SEMA4G: variants seen among roughly 807,000 people sequenced by gnomAD.
SEMA4G encodes the protein semaphorin-4G.
In SEMA4G, 59 loss-of-function variants were observed where a neutral mutation model predicts 81.2. That is an observed-to-expected ratio of 0.73 (90% CI 0.59 to 0.90). The LOEUF (loss-of-function observed/expected upper bound fraction) is 0.90, where lower values mean the gene tolerates loss of function less well. Among genes scored for constraint, SEMA4G ranks in the 40% least tolerant of loss-of-function variants. The pLI is 0.00. For missense variants in SEMA4G, 952 were observed against 1,102.3 expected, an observed-to-expected ratio of 0.86 and a Z score of 1.93; for synonymous variants, 404 against 433.9, an observed-to-expected ratio of 0.93 and a Z score of 0.86.
rs757731950 is a variant in SEMA4G at position 100,973,590 on chromosome 10, A to C, written c.317A>C (p.Gln106Pro). 2 of 1,614,104 alleles carry C rather than the reference A, an allele frequency of 1.2e-6. No individual in the cohort carries two copies. The highest frequency in any genetic ancestry group is 1.7e-6 in the Non-Finnish European group (2 of 1,179,992). Residue 106 changes from glutamine to proline, a missense_variant, in exon 3 of 14, where the codon CAA becomes CCA. By Grantham distance (76) the Gln-to-Pro change is moderately conservative. This residue lies in a region of SEMA4G where 436 missense variants were observed against 488.2 expected (regional missense o/e 0.89). Transcript: ENST00000370250. The surrounding 1 kb of genome is among the most constrained non-coding windows in gnomAD (Gnocchi z 5.5). ...CCAGAGATGCAAAGCAAATGTCATCAAAAAGGGAAAAACAACCAGGTATGT... is the reference window on the plus strand; with the variant it reads ...CCAGAGATGCAAAGCAAATGTCATCCAAAAGGGAAAAACAACCAGGTATGT...
rs1850706601 is a variant in SEMA4G, at chr10:100,973,968, G to A, written c.336+359G>A. 6.6e-6 allele frequency among the ~76,000 whole-genome samples: 1 copy of A among 151,828 alleles called. No individual in the cohort carries two copies. The highest frequency in any genetic ancestry group is 2.4e-5 in the African/African-American group (1 of 41,356). ...GTGTTTTATTTTTTGTAGAAACAGG[G>A]TCTTGCTATGTTGCCCAGGCTGGTC... On this transcript the variant is annotated intron_variant, in intron 3 of 13. Coordinates refer to ENST00000370250, the Ensembl canonical transcript of SEMA4G. The surrounding 1 kb of genome is among the most constrained non-coding windows in gnomAD (Gnocchi z 5.5).
chr10:100,980,141 G>A lies in SEMA4G; in HGVS notation c.1148G>A (p.Arg383His), dbSNP rs774063487. The change falls in exon 10 of 14, where the codon CGC (arginine) becomes CAC (histidine). Residue 383 changes from arginine to histidine, a missense_variant. This residue lies in a region of SEMA4G where 131 missense variants were observed against 200.7 expected (regional missense o/e 0.65). Coordinates refer to ENST00000370250, the Ensembl canonical transcript of SEMA4G. ...CGCCAGTGTATCACAGATTCATTGCGCAGCCAAGGCTACAATTCATCCCAA... is the reference window on the plus strand; with the variant it reads ...CGCCAGTGTATCACAGATTCATTGCACAGCCAAGGCTACAATTCATCCCAA... 8.1e-6 allele frequency: 13 copies of A among 1,614,080 alleles called. No homozygotes were observed. The highest frequency in any genetic ancestry group is 4.0e-5 in the African/African-American group (3 of 74,924).
At position 100,973,331 on chromosome 10, in the gene SEMA4G, C is replaced by A; in HGVS notation, c.273+54C>A. The A allele has an allele frequency of 6.3e-7, 1 of 1,599,410 alleles. No homozygotes were observed. The highest frequency in any genetic ancestry group is 8.5e-7 in the Non-Finnish European group (1 of 1,174,352). ...AGGGTCTCTATGCTTATCCAGCTCCCTGGGACCTCAACTTCCTTAAAACCC... is the reference window on the plus strand; with the variant it reads ...AGGGTCTCTATGCTTATCCAGCTCCATGGGACCTCAACTTCCTTAAAACCC... On this transcript the variant is annotated intron_variant, in intron 2 of 13. Transcript: ENST00000370250. This position sits in a 1 kb window ranked among gnomAD's most constrained non-coding sequence, Gnocchi z 5.5.
At position 100,980,390 on chromosome 10, in the gene SEMA4G, A is replaced by C. The variant is rs1440766334; in HGVS notation, c.1351+46A>C. 1.9e-6 allele frequency: 3 copies of C among 1,546,188 alleles called. No homozygotes were observed. In the East Asian group the frequency reaches 6.8e-5, roughly 35 times the overall value. ...TGATCCCTGTTGGCCCTGATCACTA[A>C]TGCTTCTGAATCCATTAATTCCTGC... On this transcript the variant is annotated intron_variant, in intron 10 of 13. Coordinates refer to ENST00000370250, the Ensembl canonical transcript of SEMA4G.
chr10:100,981,075 G>C, intron 12 of SEMA4G, 78 bp downstream of exon 13: 1 of 1,604,292 alleles, frequency 6.2e-7, no homozygotes, highest in Non-Finnish European at 8.5e-7. Context: ...GGGGAGTGCA[G>C]GGGCTAGTTA....
Position 100,973,611 on chromosome 10 carries a change from T to C in SEMA4G, c.336+2T>C. The C allele has an allele frequency of 6.2e-7, 1 of 1,613,952 alleles. No individual in the cohort carries two copies. The highest frequency in any genetic ancestry group is 1.7e-4 in the Middle Eastern group (1 of 6,060). Reference sequence around the variant, plus strand: ...CATCAAAAAGGGAAAAACAACCAGGTATGTGGTCTGCCCTGTCCCCAGCTC... The same window carrying C: ...CATCAAAAAGGGAAAAACAACCAGGCATGTGGTCTGCCCTGTCCCCAGCTC... On this transcript the variant is annotated splice_donor_variant, in intron 3 of 13. Transcript: ENST00000370250. LOFTEE classifies it high-confidence loss of function. The surrounding 1 kb of genome is among the most constrained non-coding windows in gnomAD (Gnocchi z 5.5).
chr10:100,981,446 C>T, intron 13 of SEMA4G: 1 of 1,614,114 alleles, frequency 6.2e-7, no homozygotes, highest in East Asian at 2.2e-5. Flanking sequence ...TGTGAAGTGT[C>T]TTGTCACTTC....
At chr10:100,984,986 T>A (rs1851365080), downstream of SEMA4G, 1 of 1,331,784 alleles carries the variant, frequency 7.5e-7, no homozygotes, top group Non-Finnish European at 1.0e-6. Flanking sequence ...CACATGCACC[T>A]CTGAGCCTCC....
rs766247342 is a variant in SEMA4G at position 100,973,294 on chromosome 10, T to C, written c.273+17T>C. 8 of 1,611,528 alleles carry C rather than the reference T, an allele frequency of 5.0e-6. No individual in the cohort carries two copies. Among genetic ancestry groups the C allele is most frequent in the South Asian group, 1.1e-5 (1 of 91,050 alleles). On this transcript the variant is annotated intron_variant, in intron 2 of 13. Coordinates refer to ENST00000370250, the Ensembl canonical transcript of SEMA4G. This position sits in a 1 kb window ranked among gnomAD's most constrained non-coding sequence, Gnocchi z 5.5. ...CACAAAGAGGTCAGGCCCTGGAACC[T>C]GGACCACCCAGAGGGTCTCTATGCT...
At chr10:100,985,121 C>G (rs1314077837), downstream of SEMA4G, 2 of 453,238 alleles carry the variant, frequency 4.4e-6, no homozygotes, top group South Asian at 6.4e-5. Context: ...ACTCAATGAG[C>G]CAGCCTCTCT....
chr10:100,972,679 G>T lies in SEMA4G; in HGVS notation c.-234G>T. 2.0e-6 allele frequency: 1 copy of T among 503,780 alleles called. No homozygotes were observed. The highest frequency in any genetic ancestry group is 3.5e-6 in the Non-Finnish European group (1 of 285,342). The allele number at this position is 503,780 out of a possible 1,614,324, so 31.2% of individuals were successfully genotyped here. On this transcript the variant is annotated 5_prime_UTR_variant, in exon 1 of 14. The change abolishes the stop of an existing upstream ORF in the 5' untranslated region. Coordinates refer to ENST00000370250, the Ensembl canonical transcript of SEMA4G. ...AGGCATGTGATCCCTCCCTCCTTCT[G>T]ACCTCTTAGCTGGGGATTCCATGGC... is the stretch of plus-strand genomic sequence containing the variant.
chr10:100,981,914 C>T (rs1851098150), intron 13 of SEMA4G, among the ~76,000 whole-genome samples: 1 of 151,534 alleles, frequency 6.6e-6, no homozygotes, highest in Non-Finnish European at 1.5e-5. Flanking sequence ...AAAAATTAGC[C>T]GGGTGTGGTG....
exon 8 of SEMA4G, chr10:100,979,125 C>T (rs2133877896): frequency 6.2e-7 from 1 of 1,614,162 alleles, no homozygotes; most frequent in South Asian, 1.1e-5. Flanking sequence ...GGAAGAAGAT[C>T]CTGCAGAAGA....
exon 14 of SEMA4G, chr10:100,984,813 C>T (rs1431132181): frequency 6.5e-7 from 1 of 1,532,200 alleles, no homozygotes; most frequent in Admixed American, 2.0e-5. Context: ...GGTAAGACTG[C>T]ATCACTCCCC....
chr10:100,977,632 A>G, exon 4 of SEMA4G: 1 of 1,613,828 alleles, frequency 6.2e-7, no homozygotes, highest in Non-Finnish European at 8.5e-7. Context: ...CATCCCACAG[A>G]CGGAGTGCTT....
At chr10:100,982,975 C>G (rs1851183226) in intron 13 of SEMA4G, among the ~76,000 whole-genome samples, 1 of 152,122 alleles carries the variant, frequency 6.6e-6, no homozygotes, top group African/African-American at 2.4e-5. Context: ...TGTGGAGATG[C>G]CCAGCACATG....
rs1850939296 is a variant in SEMA4G at position 100,979,288 on chromosome 10, T to C, written c.983+17T>C. The C allele has an allele frequency of 6.2e-7, 1 of 1,613,958 alleles. No homozygotes were observed. Among genetic ancestry groups the C allele is most frequent in the Admixed American group, 1.7e-5 (1 of 59,998 alleles). Reference sequence around the variant, plus strand: ...CACACAGTGGTCAGTGCAGGGACAATCGGGAGGCAAGAAACTGCGGACAGC... The same window carrying C: ...CACACAGTGGTCAGTGCAGGGACAACCGGGAGGCAAGAAACTGCGGACAGC... On this transcript the variant is annotated intron_variant, in intron 8 of 13. Transcript: ENST00000370250.
chr10:100,977,762 T>C (rs1850864428), intron 4 of SEMA4G, 32 bp downstream of exon 5: 1 of 1,526,574 alleles, frequency 6.6e-7, no homozygotes, highest in Non-Finnish European at 9.1e-7. Context: ...CAGATCTCTG[T>C]TGACTTCATT....
downstream of SEMA4G, chr10:100,985,016 CTGTT>C: frequency 8.8e-7 from 1 of 1,141,862 alleles, no homozygotes; most frequent in African/African-American, 1.6e-5. Context: ...TTGGACCTGT[CTGTT>C]GGGTTTAGTC....
Sources: allele counts gnomAD v4.1 joint callset (sites outside exome capture counted in the v4.1 genomes callset), GRCh38; gene constraint gnomAD v4.1.1; regional missense constraint gnomAD v4.1.1; non-coding constraint Gnocchi (gnomAD v3.1); transcripts MANE v1.5; gene names NCBI Gene and HGNC (gene_info 2026-07-23, HGNC 2026-07-21).